The following EFCAB7 variants were observed in gnomAD, a reference collection of about 807,000 sequenced individuals.
EFCAB7 encodes EF-hand calcium-binding domain-containing protein 7.
A neutral mutation model predicts 77.1 loss-of-function variants in EFCAB7; 66 were observed. The ratio of observed to expected loss-of-function variants is 0.86; its 90% CI spans 0.70 to 1.05. The LOEUF is 1.05. Among genes scored for constraint, EFCAB7 ranks in the 50% least tolerant of loss-of-function variants. EFCAB7 has a pLI of 0.00. For missense variants in EFCAB7, 638 were observed against 730.5 expected (o/e 0.87, Z 1.46); for synonymous variants, 225 against 243.3 (o/e 0.92, Z 0.70).
At chr1:63,580,638 G>A in the EFCAB7 span, among the ~76,000 whole-genome samples, 1 of 152,108 alleles carries the variant, frequency 6.6e-6, no homozygotes, top group African/African-American at 2.4e-5. Context: ...ATTTTAACTG[G>A]TATTGTGTTA....
chr1:63,531,780 A>G, intron 2 of EFCAB7, 40 bp from the exon 3 acceptor site: 10 of 1,563,302 alleles, frequency 6.4e-6, no homozygotes, highest in Non-Finnish European at 7.0e-6. Flanking sequence ...TACAAATTCC[A>G]GGTGTTACAA....
At chr1:63,527,640 T>C (rs953439962) in intron 2 of EFCAB7, among the ~76,000 whole-genome samples, 1 of 152,186 alleles carries the variant, frequency 6.6e-6, no homozygotes, top group Non-Finnish European at 1.5e-5. Context: ...TCAAACTTAA[T>C]CATTAGATCC....
At chr1:63,568,802 TTA>T (rs999000887) in intron 12 of EFCAB7, 122 of 233,164 alleles carry the variant, frequency 5.2e-4, no homozygotes, top group African/African-American at 2.7e-3. Context: ...AGTATTTTAT[TTA>T]GTTTGTTTCT....
intron 6 of EFCAB7, among the ~76,000 whole-genome samples, chr1:63,543,478 T>C (rs1156277686): frequency 6.6e-6 from 1 of 152,116 alleles, no homozygotes; most frequent in East Asian, 1.9e-4. Flanking sequence ...AAAAAATAGG[T>C]TTCTACATAA....
chr1:63,564,397 G>A (rs1176796841), intron 11 of EFCAB7, among the ~76,000 whole-genome samples: 1 of 152,100 alleles, frequency 6.6e-6, no homozygotes, highest in Non-Finnish European at 1.5e-5. Flanking sequence ...AAAATCACTA[G>A]TATTCCTATA....
intron 1 of EFCAB7, among the ~76,000 whole-genome samples, chr1:63,524,455 C>T (rs1646543133): frequency 6.6e-6 from 1 of 152,180 alleles, no homozygotes; most frequent in African/African-American, 2.4e-5. Flanking sequence ...CAATTATTAT[C>T]TTTCTTTCCC....
intron 2 of EFCAB7, among the ~76,000 whole-genome samples, chr1:63,531,128 C>G (rs1270249843): frequency 1.3e-5 from 2 of 152,014 alleles, no homozygotes; most frequent in Non-Finnish European, 2.9e-5. Context: ...TAACTTTGTA[C>G]CCATTGACCA....
At position 63,547,650 on chromosome 1, in the gene EFCAB7, TGTTA is replaced by T. The variant is rs566353964; in HGVS notation, c.946+1597_946+1600del. ...TTGTTCACTCATGAATCAGTAGATCTGTTAGTTCTTAGTCTGAGCCAGGCTTGTT... is the reference window on the plus strand; with the variant it reads ...TTGTTCACTCATGAATCAGTAGATCTGTTCTTAGTCTGAGCCAGGCTTGTT... On this transcript the variant is annotated intron_variant, in intron 7 of 13. Coordinates refer to ENST00000371088, the MANE Select transcript of EFCAB7 (RefSeq NM_032437.4). The T allele has an allele frequency of 8.5e-5, 13 of 152,360 alleles. No individual in the cohort carries two copies. In the South Asian group the frequency reaches 1.7e-3, roughly 19 times the overall value. 9.4% of individuals were successfully genotyped at this position (152,360 alleles called of 1,614,324 possible). A position where few individuals can be genotyped will look rare whatever the true frequency, so the allele number is the denominator to read the frequency against.
intron 6 of EFCAB7, among the ~76,000 whole-genome samples, chr1:63,537,904 C>T (rs1646781842): frequency 6.6e-6 from 1 of 152,124 alleles, no homozygotes; most frequent in South Asian, 2.1e-4. Flanking sequence ...TTTAATAATA[C>T]AGAATTTGTA....
Position 63,523,555 on chromosome 1 carries a change from A to T in EFCAB7, c.-81A>T. 4.0e-6 allele frequency: 1 copy of T among 252,046 alleles called. No individual in the cohort carries two copies. The highest frequency in any genetic ancestry group is 4.6e-5 in the South Asian group (1 of 21,728). 15.6% of individuals were successfully genotyped at this position (252,046 alleles called of 1,614,324 possible). On this transcript the variant is annotated 5_prime_UTR_variant, in exon 1 of 14. Coordinates refer to ENST00000371088, the MANE Select transcript of EFCAB7 (RefSeq NM_032437.4). ...CCATGGTGATTAGAGAAAGGCCGAG[A>T]TCTGTCCAGCTGCGGTGAGAGGAAC...
chr1:63,551,706 CTTT>C lies in EFCAB7; in HGVS notation c.947-11_947-9del. The C allele has an allele frequency of 2.5e-6, 3 of 1,190,628 alleles. No individual in the cohort carries two copies. The highest frequency in any genetic ancestry group is 2.7e-5 in the Admixed American group (1 of 37,592). The allele number at this position is 1,190,628 out of a possible 1,614,324, so 73.8% of individuals were successfully genotyped here. Reference sequence around the variant, plus strand: ...GATTGCTTATTTTAAGGTGTTTGGGCTTTTTTTTTTGTTTGTAGGAAAACCATC... The same window carrying C: ...GATTGCTTATTTTAAGGTGTTTGGGCTTTTTTTGTTTGTAGGAAAACCATC... On this transcript the variant is annotated splice_polypyrimidine_tract_variant and intron_variant, in intron 7 of 13. Coordinates refer to ENST00000371088, the MANE Select transcript of EFCAB7 (RefSeq NM_032437.4).
chr1:63,584,796 A>C, the EFCAB7 span, among the ~76,000 whole-genome samples: 6 of 152,338 alleles, frequency 3.9e-5, no homozygotes, highest in Admixed American at 6.5e-5. Context: ...ATGTTCCATA[A>C]GGCTTCTGGT....
At chr1:63,556,507 G>A (rs546553094) in intron 9 of EFCAB7, among the ~76,000 whole-genome samples, 2 of 152,034 alleles carry the variant, frequency 1.3e-5, no homozygotes, top group African/African-American at 4.8e-5. Flanking sequence ...TCTCCCTATT[G>A]GTAGAGAGGA....
chr1:63,537,945 G>A (rs185620206), intron 6 of EFCAB7, among the ~76,000 whole-genome samples: 184 of 152,204 alleles, frequency 1.2e-3, no homozygotes, highest in Non-Finnish European at 1.9e-3. Flanking sequence ...ATTCACTACA[G>A]TGTTCCAAGA....
In EFCAB7 at chr1:63,572,472, C is replaced by T. The variant is rs1228928975; in HGVS notation, c.1846C>T (p.Arg616Ter). ...VCQHVMPLNE[R>*]QEWIYYCIYS... ...TCAACATGTAATGCCTTTGAATGAA[C>T]GACAAGAATGGATATATTATTGTAT... The change falls in exon 14 of 14, where the codon CGA becomes TGA. Residue 616 changes from arginine to a stop codon, truncating the protein, a stop_gained. Coordinates refer to ENST00000371088, the MANE Select transcript of EFCAB7 (RefSeq NM_032437.4). LOFTEE classifies it high-confidence loss of function. 12 of 1,575,660 alleles carry T rather than the reference C, an allele frequency of 7.6e-6. No homozygotes were observed. The highest frequency in any genetic ancestry group is 2.3e-5 in the East Asian group (1 of 43,638).
chr1:63,525,882 G>A (rs1311812751), intron 2 of EFCAB7, 123 bp downstream of exon 2: 1 of 643,434 alleles, frequency 1.6e-6, no homozygotes, highest in East Asian at 3.1e-5. Context: ...CTTGAGCAAT[G>A]GAACTACAGT....
chr1:63,549,990 C>A (rs1448376361), intron 7 of EFCAB7: 1 of 151,966 alleles, frequency 6.6e-6, no homozygotes, highest in Non-Finnish European at 1.5e-5. Context: ...ATAGTTGGAC[C>A]CTTGTGTTTT....
downstream of EFCAB7, among the ~76,000 whole-genome samples, chr1:63,573,400 G>A (rs939017282): frequency 2.0e-5 from 3 of 152,078 alleles, no homozygotes. Flanking sequence ...ATAAGAGAAG[G>A]AGAAAAACAG....
At chr1:63,530,136 C>G (rs1030055669) in intron 2 of EFCAB7, among the ~76,000 whole-genome samples, 1 of 152,214 alleles carries the variant, frequency 6.6e-6, no homozygotes, top group Non-Finnish European at 1.5e-5. Flanking sequence ...TTCAATATAA[C>G]TGACTCACTT....
Sources: allele counts gnomAD v4.1 joint callset (sites outside exome capture counted in the v4.1 genomes callset), GRCh38; gene constraint gnomAD v4.1.1; transcripts MANE v1.5; gene names NCBI Gene and HGNC (gene_info 2026-07-23, HGNC 2026-07-21).